The following CNKSR2 variants were observed in gnomAD, a reference collection of about 807,000 sequenced individuals.
CNKSR2 encodes connector enhancer of kinase suppressor of Ras 2, also known as CNK homolog protein 2.
A neutral mutation model predicts 84.4 loss-of-function variants in CNKSR2; 14 were observed. The ratio of observed to expected loss-of-function variants is 0.17; its 90% CI spans 0.11 to 0.26. CNKSR2 has a LOEUF of 0.26. CNKSR2 is among the 10% of genes least tolerant of loss of function. CNKSR2 has a pLI of 1.00. For synonymous variants in CNKSR2, 275 were observed against 277.9 expected, an observed-to-expected ratio of 0.99 and a Z score of 0.10; for missense variants, 485 against 771.2, an observed-to-expected ratio of 0.63 and a Z score of 4.40.
At chrX:21,403,076 G>A (rs1285857635) in intron 1 of CNKSR2, among the ~76,000 whole-genome samples, 1 of 111,218 alleles carries the variant, frequency 9.0e-6, no homozygotes, top group Non-Finnish European at 1.9e-5. Context: ...GTATCTAAGT[G>A]TAAAAATTGA....
intron 13 of CNKSR2, among the ~76,000 whole-genome samples, chrX:21,567,299 T>C (rs1250893729): frequency 8.9e-6 from 1 of 112,339 alleles, no homozygotes; most frequent in African/African-American, 3.2e-5. Flanking sequence ...ATGTTCATGA[T>C]GATAAGCAGG....
intron 18 of CNKSR2, among the ~76,000 whole-genome samples, chrX:21,605,740 A>G (rs1444557023): frequency 1.8e-5 from 2 of 112,229 alleles, no homozygotes; most frequent in South Asian, 7.4e-4. Context: ...AAATATTACA[A>G]TATGGGAATT....
In CNKSR2 at chrX:21,501,461, A is replaced by T. The variant is rs766772115; in HGVS notation, c.742-59A>T. ...GATGAACTTTTTGTAGTGTTTCCAGAGACAGGAAATGACTGATAAAATTTA... is the reference window on the plus strand; with the variant it reads ...GATGAACTTTTTGTAGTGTTTCCAGTGACAGGAAATGACTGATAAAATTTA... On this transcript the variant is annotated intron_variant, in intron 7 of 21. Coordinates refer to ENST00000379510, the MANE Select transcript of CNKSR2 (RefSeq NM_014927.5). 1.7e-5 allele frequency: 12 copies of T among 698,860 alleles called. No homozygotes were observed. In the African/African-American group the frequency reaches 2.6e-4, roughly 15 times the overall value. 57.6% of individuals were successfully genotyped at this position (698,860 alleles called of 1,213,427 possible).
intron 3 of CNKSR2, 150 bp from the exon 4 acceptor site, chrX:21,440,544 T>C: frequency 3.4e-6 from 1 of 297,882 alleles, no homozygotes. Flanking sequence ...TTCAAATCTT[T>C]CCTTAAAATA....
At chrX:21,416,243 T>C (rs776858098) in intron 1 of CNKSR2, among the ~76,000 whole-genome samples, 2 of 112,106 alleles carry the variant, frequency 1.8e-5, no homozygotes, top group African/African-American at 6.5e-5. Context: ...ATGTACCACA[T>C]TGATTGATTT....
At chrX:21,649,489 T>G (rs2092715389) in intron 21 of CNKSR2, among the ~76,000 whole-genome samples, 1 of 112,521 alleles carries the variant, frequency 8.9e-6, no homozygotes, top group Non-Finnish European at 1.9e-5. Flanking sequence ...GAAGCCACGG[T>G]GATTTGTGTT....
chrX:21,565,243 C>CT (rs370400091), intron 13 of CNKSR2, among the ~76,000 whole-genome samples: 1 of 111,754 alleles, frequency 8.9e-6, no homozygotes, highest in African/African-American at 3.2e-5. Context: ...CTGCTCCATT[C>CT]TGTCATGCAT....
rs1209656682 is a variant in CNKSR2 at position 21,497,792 on chromosome X, G to A, written c.687G>A (p.Met229Ile). 1.1e-6 allele frequency: 1 copy of A among 888,696 alleles called. No individual in the cohort carries two copies. Among genetic ancestry groups the A allele is most frequent in the Non-Finnish European group, 1.7e-6 (1 of 602,432 alleles). The allele number at this position is 888,696 out of a possible 1,213,427, so 73.2% of individuals were successfully genotyped here. A position where few individuals can be genotyped will look rare whatever the true frequency, so the allele number is the denominator to read the frequency against. Residue 229 changes from methionine to isoleucine, a missense_variant, in exon 7 of 22, where the codon ATG becomes ATA. Around this residue, in one of 5 missense-constraint regions of CNKSR2, gnomAD observed 109 missense variants for 197.5 expected, o/e 0.55. Transcript: ENST00000379510. Reference sequence around the variant, plus strand: ...TGATGCTGTCTTTTTCTTAGGGTATGTATATTAAATCTACATATGATGGCC... The same window carrying A: ...TGATGCTGTCTTTTTCTTAGGGTATATATATTAAATCTACATATGATGGCC... ...ANIKPSEGLG[M>I]YIKSTYDGLH... is the part of the protein sequence containing the mutation.
chrX:21,392,186 GTCT>G (rs1250896205), intron 1 of CNKSR2, among the ~76,000 whole-genome samples: 1 of 111,667 alleles, frequency 9.0e-6, no homozygotes, highest in African/African-American at 3.3e-5. Context: ...TCATCTTCCT[GTCT>G]TCTTCTGAGC....
intron 13 of CNKSR2, among the ~76,000 whole-genome samples, chrX:21,585,255 AAATATATATATTTATATATT>A: frequency 9.6e-6 from 1 of 104,435 alleles, no homozygotes; most frequent in East Asian, 2.9e-4. Flanking sequence ...AAATATATAT[AAATATATATATTTATATATT>A]ATATAATATA....
rs1387636397 is a variant in CNKSR2 at position 21,418,765 on chromosome X, C to G, written c.65-7732C>G. 5.4e-5 allele frequency among the ~76,000 whole-genome samples: 6 copies of G among 111,132 alleles called. No individual in the cohort carries two copies. The South Asian group carries it at 2.3e-3, about 42-fold the overall frequency. ...GAGGTAGTCAAGGCATTTAATAATC[C>G]CTGTTAAAAGACTCTGATGCATTTT... On this transcript the variant is annotated intron_variant, in intron 1 of 21. Transcript: ENST00000379510.
intron 2 of CNKSR2, chrX:21,427,684 C>T (rs2090583643): frequency 8.9e-6 from 1 of 112,264 alleles, no homozygotes; most frequent in African/African-American, 3.2e-5. Context: ...ATTTCTTTTT[C>T]AACAATTACA....
chrX:21,638,688 A>G (rs1190211683), intron 20 of CNKSR2, among the ~76,000 whole-genome samples: 1 of 112,347 alleles, frequency 8.9e-6, no homozygotes, highest in African/African-American at 3.2e-5. Flanking sequence ...TTGTGGTATC[A>G]TAGATATGTT....
chrX:21,465,393 G>C (rs2091113856), intron 4 of CNKSR2, among the ~76,000 whole-genome samples: 1 of 110,797 alleles, frequency 9.0e-6, no homozygotes, highest in South Asian at 3.8e-4. Context: ...AGGAAGGCAG[G>C]GAGGGAGGAG....
intron 20 of CNKSR2, among the ~76,000 whole-genome samples, chrX:21,632,990 TACACACACAC>T (rs200936630): frequency 1.2e-4 from 12 of 100,675 alleles, no homozygotes; most frequent in East Asian, 9.2e-4. Context: ...TTATATAATA[TACACACACAC>T]ACACACACAC....
intron 20 of CNKSR2, among the ~76,000 whole-genome samples, chrX:21,624,361 C>T (rs2092613934): frequency 9.0e-6 from 1 of 111,544 alleles, no homozygotes; most frequent in Non-Finnish European, 1.9e-5. Context: ...ATCTCAAGAA[C>T]CATTTATTGT....
chrX:21,611,647 A>C (rs2147288067), intron 20 of CNKSR2, among the ~76,000 whole-genome samples: 1 of 111,778 alleles, frequency 8.9e-6, no homozygotes, highest in Admixed American at 9.5e-5. Context: ...TGGATTTTTT[A>C]GCCAAATAGA....
rs1349620169 is a variant in CNKSR2 at position 21,426,523 on chromosome X, A to G, written c.91A>G (p.Ile31Val). 2 of 1,209,288 alleles carry G rather than the reference A, an allele frequency of 1.7e-6. No homozygotes were observed. The highest frequency in any genetic ancestry group is 3.0e-5 in the East Asian group (1 of 33,705). Residue 31 changes from isoleucine (I) to valine (V), a missense_variant, in exon 2 of 22, where the codon ATT becomes GTT. By Grantham distance (29) the Ile-to-Val change is conservative (BLOSUM62 3). This residue lies in a region of CNKSR2 where 109 missense variants were observed against 197.5 expected (regional missense o/e 0.55). Transcript: ENST00000379510. ...TCTTGATGACTGTTTGCAGCAGTATATTAAGAACTTTGAGAGGGAGAAGAT... is the reference window on the plus strand; with the variant it reads ...TCTTGATGACTGTTTGCAGCAGTATGTTAAGAACTTTGAGAGGGAGAAGAT... ...KGLDDCLQQY[I>V]KNFEREKISG...
chrX:21,602,504 A>C (rs12007745), intron 18 of CNKSR2, among the ~76,000 whole-genome samples: 3,325 of 111,748 alleles, frequency 0.03, 126 homozygotes, highest in African/African-American at 0.1. Context: ...GTTTTTAAAG[A>C]TCTAAAGAAG....
Sources: allele counts gnomAD v4.1 joint callset (sites outside exome capture counted in the v4.1 genomes callset), GRCh38; gene constraint gnomAD v4.1.1; regional missense constraint gnomAD v4.1.1; transcripts MANE v1.5; gene names NCBI Gene and HGNC (gene_info 2026-07-23, HGNC 2026-07-21).